Variants in AGBL1 observed in about 807,000 individuals in gnomAD.
AGBL1 encodes AGBL carboxypeptidase 1, also known as cytosolic carboxypeptidase 4.
A neutral mutation model predicts 118.9 loss-of-function variants in AGBL1; 130 were observed. The observed-to-expected ratio is 1.09, with a 90% confidence interval of 0.95 to 1.26. The LOEUF (loss-of-function observed/expected upper bound fraction) is 1.26. AGBL1 is among the 50% of genes most tolerant of loss of function. AGBL1 has a pLI of 0.00. For synonymous variants in AGBL1, 555 were observed against 478.9 expected (o/e 1.16, Z -2.08); for missense variants, 1,584 against 1,298.1 (o/e 1.22, Z -3.38).
intron 21 of AGBL1, among the ~76,000 whole-genome samples, chr15:86,578,659 G>A (rs1054087237): frequency 3.9e-5 from 6 of 152,160 alleles, no homozygotes. Context: ...AATTGTGGGG[G>A]CAGGTTTTCC....
intron 17 of AGBL1, among the ~76,000 whole-genome samples, chr15:86,324,452 A>G (rs561004390): frequency 6.6e-6 from 1 of 152,030 alleles, no homozygotes; most frequent in African/African-American, 2.4e-5. Flanking sequence ...AGGTCCACTG[A>G]TGTGAGGCAG....
At chr15:86,834,288 C>T (rs952015763) in intron 22 of AGBL1, among the ~76,000 whole-genome samples, 11 of 152,046 alleles carry the variant, frequency 7.2e-5, no homozygotes, top group Non-Finnish European at 1.5e-4. Context: ...TGAGTCACTC[C>T]ATCAGGCAAG....
chr15:86,812,039 C>A (rs2078797485), intron 22 of AGBL1, among the ~76,000 whole-genome samples: 1 of 152,148 alleles, frequency 6.6e-6, no homozygotes, highest in African/African-American at 2.4e-5. Flanking sequence ...AAAATACTGT[C>A]AGATTAAATG....
At chr15:86,209,247 A>T (rs2078049392) in intron 5 of AGBL1, among the ~76,000 whole-genome samples, 1 of 152,156 alleles carries the variant, frequency 6.6e-6, no homozygotes, top group Non-Finnish European at 1.5e-5. Context: ...TATGTGGTCT[A>T]TTTTAGAATA....
intron 18 of AGBL1, among the ~76,000 whole-genome samples, chr15:86,454,558 T>C (rs2082237320): frequency 6.6e-6 from 1 of 152,106 alleles, no homozygotes; most frequent in African/African-American, 2.4e-5. Flanking sequence ...TGAAATACTA[T>C]TCAGCAATAA....
intron 10 of AGBL1, among the ~76,000 whole-genome samples, chr15:86,263,989 G>A (rs1049925722): frequency 3.3e-5 from 5 of 152,178 alleles, no homozygotes; most frequent in African/African-American, 9.7e-5. Context: ...TTTCCAACCA[G>A]ATTGTAATTT....
intron 24 of AGBL1, among the ~76,000 whole-genome samples, chr15:87,009,587 A>G (rs977924578): frequency 3.3e-5 from 5 of 152,160 alleles, no homozygotes; most frequent in South Asian, 4.1e-4. Flanking sequence ...CAGCCCCCAG[A>G]ACGATAAATC....
chr15:86,802,595 A>G (rs1263555159), intron 22 of AGBL1, among the ~76,000 whole-genome samples: 2 of 152,182 alleles, frequency 1.3e-5, no homozygotes, highest in East Asian at 1.9e-4. Context: ...GTAAAAACAC[A>G]TCGAGATTCA....
intron 19 of AGBL1, among the ~76,000 whole-genome samples, chr15:86,544,652 C>T (rs558629062): frequency 6.6e-6 from 1 of 152,242 alleles, no homozygotes; most frequent in Admixed American, 6.5e-5. Context: ...CACTTATTCG[C>T]TATCAGGAGA....
chr15:86,369,252 A>T lies in AGBL1; in HGVS notation c.2375-28114A>T, dbSNP rs138520717. ...AAAAACTAATTCATTGTTTAATTTG[A>T]TAAAGCAAACTCGAGATAGCAATGC... On this transcript the variant is annotated intron_variant, in intron 17 of 22. Transcript: ENST00000614907. 1.6e-3 allele frequency among the ~76,000 whole-genome samples: 246 copies of T among 152,342 alleles called. 3 individuals carry two copies. Among genetic ancestry groups the T allele is most frequent in the Non-Finnish European group, 1.2e-3 (82 of 68,014 alleles).
chr15:86,396,053 G>A (rs2081355700), intron 17 of AGBL1, among the ~76,000 whole-genome samples: 1 of 150,938 alleles, frequency 6.6e-6, no homozygotes, highest in South Asian at 2.1e-4. Context: ...CCATGTTGCT[G>A]AAAATGACAG....
chr15:86,185,578 A>T (rs1597509842), intron 5 of AGBL1, among the ~76,000 whole-genome samples: 2 of 152,174 alleles, frequency 1.3e-5, no homozygotes, highest in East Asian at 3.9e-4. Flanking sequence ...ATGCAGCCAT[A>T]AAAAAGGATG....
intron 17 of AGBL1, among the ~76,000 whole-genome samples, chr15:86,301,399 C>A (rs544710149): frequency 7.0e-6 from 1 of 141,934 alleles, no homozygotes; most frequent in Admixed American, 7.2e-5. Context: ...TCTTGGCAAT[C>A]TTTTTTTTTT....
chr15:86,444,625 C>A (rs991300885), intron 18 of AGBL1, among the ~76,000 whole-genome samples: 2 of 152,148 alleles, frequency 1.3e-5, no homozygotes, highest in Admixed American at 1.3e-4. Flanking sequence ...ATTGTCCATG[C>A]AGCAAAAGCA....
intron 22 of AGBL1, among the ~76,000 whole-genome samples, chr15:86,848,154 G>A (rs2079345309): frequency 6.6e-6 from 1 of 152,124 alleles, no homozygotes; most frequent in Non-Finnish European, 1.5e-5. Context: ...CAGGAAGTGG[G>A]AGCTACCCAC....
rs1474501613 is a variant in AGBL1 at position 86,364,958 on chromosome 15, C to CACACATATATATATATATATATAT, written c.2375-32407_2375-32406insCACATATATATATATATATATATA. ...GAGCCGCATTGATTTATATGTCACA[C>CACACATATATATATATATATATAT]ATATATATATATATATATATATATA... On this transcript the variant is annotated intron_variant, in intron 17 of 22. Coordinates refer to ENST00000614907, the MANE Select transcript of AGBL1 (RefSeq NM_001386094.1). 6.4e-4 allele frequency among the ~76,000 whole-genome samples: 49 copies of CACACATATATATATATATATATAT among 76,130 alleles called. 1 individual carries two copies. Among genetic ancestry groups the CACACATATATATATATATATATAT allele is most frequent in the Non-Finnish European group, 1.1e-3 (36 of 31,856 alleles). 49.9% of individuals were successfully genotyped at this position (76,130 alleles called of 152,430 possible).
At chr15:86,655,346 T>C (rs112055038) in intron 21 of AGBL1, among the ~76,000 whole-genome samples, 167 of 152,322 alleles carry the variant, frequency 1.1e-3, no homozygotes, top group Admixed American at 1.4e-3. Context: ...GCCAATTGAC[T>C]CCGGCTTCTA....
At chr15:86,361,290 C>T (rs2080801485) in intron 17 of AGBL1, among the ~76,000 whole-genome samples, 2 of 151,708 alleles carry the variant, frequency 1.3e-5, no homozygotes, top group South Asian at 2.1e-4. Flanking sequence ...TATTTTTATT[C>T]CATTGTGTTC....
chr15:86,623,283 C>T (rs1171927274), intron 21 of AGBL1, among the ~76,000 whole-genome samples: 9 of 152,112 alleles, frequency 5.9e-5, no homozygotes, highest in African/African-American at 1.2e-4. Flanking sequence ...CATGTAGAGC[C>T]TGGTTGGCCA....
Sources: allele counts gnomAD v4.1 joint callset (sites outside exome capture counted in the v4.1 genomes callset), GRCh38; gene constraint gnomAD v4.1.1; transcripts MANE v1.5; gene names NCBI Gene and HGNC (gene_info 2026-07-23, HGNC 2026-07-21).